PRKAG2: variants seen among roughly 807,000 people sequenced by gnomAD.
PRKAG2 encodes 5'-AMP-activated protein kinase subunit gamma-2.
In PRKAG2, 26 loss-of-function variants were observed where a neutral mutation model predicts 69.6. That is an observed-to-expected ratio of 0.37 (90% CI 0.27 to 0.52). The LOEUF is 0.52. PRKAG2 is among the 20% of genes least tolerant of loss of function. The pLI is 0.90. For missense variants in PRKAG2, 557 were observed against 740.0 expected, an observed-to-expected ratio of 0.75 and a Z score of 2.87; for synonymous variants, 293 against 285.0, an observed-to-expected ratio of 1.03 and a Z score of -0.28.
intron 1 of PRKAG2, among the ~76,000 whole-genome samples, chr7:151,873,713 C>T (rs1024206702): frequency 1.9e-4 from 29 of 152,144 alleles, no homozygotes; most frequent in Admixed American, 1.6e-3. Flanking sequence ...AAGGGTGGTC[C>T]GAGGACCCCA....
At chr7:151,649,799 C>T (rs922052535) in intron 4 of PRKAG2, among the ~76,000 whole-genome samples, 11 of 152,198 alleles carry the variant, frequency 7.2e-5, no homozygotes, top group Non-Finnish European at 1.3e-4. Context: ...AGAAGCCGAG[C>T]GGATACCAGC....
intron 4 of PRKAG2, among the ~76,000 whole-genome samples, chr7:151,640,744 T>C (rs1826535258): frequency 6.6e-6 from 1 of 152,150 alleles, no homozygotes; most frequent in South Asian, 2.1e-4. Flanking sequence ...ACCCACATGC[T>C]TCCATATGGC....
At chr7:151,560,068 A>G in intron 15 of PRKAG2, 3 of 984,948 alleles carry the variant, frequency 3.0e-6, no homozygotes, top group Non-Finnish European at 3.6e-6. Flanking sequence ...TTTCTGTACA[A>G]TATTAATGAA....
chr7:151,737,730 C>CACTGG (rs2073547511), intron 3 of PRKAG2, among the ~76,000 whole-genome samples: 1 of 152,184 alleles, frequency 6.6e-6, no homozygotes, highest in African/African-American at 2.4e-5. Flanking sequence ...TTACAGAGCT[C>CACTGG]AGTGCCACTG....
chr7:151,794,070 C>T (rs1200819915), intron 1 of PRKAG2, among the ~76,000 whole-genome samples: 1 of 152,166 alleles, frequency 6.6e-6, no homozygotes, highest in Non-Finnish European at 1.5e-5. Context: ...TCCTCCCTGG[C>T]TCCCTCACCT....
chr7:151,624,624 G>A (rs566431284), intron 5 of PRKAG2, among the ~76,000 whole-genome samples: 2 of 152,114 alleles, frequency 1.3e-5, no homozygotes, highest in Non-Finnish European at 2.9e-5. Flanking sequence ...GTGTCAAGGC[G>A]ATTTCCTCGG....
At chr7:151,639,919 T>C (rs1290749477) in intron 4 of PRKAG2, among the ~76,000 whole-genome samples, 1 of 152,196 alleles carries the variant, frequency 6.6e-6, no homozygotes, top group Non-Finnish European at 1.5e-5. Context: ...CAATCATCTA[T>C]TATCTATCTA....
In PRKAG2 at chr7:151,632,420, G is replaced by A; in HGVS notation, c.685-282C>T. ...CCGCGCCTTGGTACGGCCCGCCCGG[G>A]AGGAAGCGTGGGAAGGGACCCGGGA... is the stretch of plus-strand genomic sequence containing the variant. On this transcript the variant is annotated intron_variant, in intron 4 of 15. Transcript: ENST00000287878. This position sits in a 1 kb window ranked among gnomAD's most constrained non-coding sequence, Gnocchi z 4.2. The A allele has an allele frequency of 1.9e-6, 1 of 530,524 alleles. No homozygotes were observed. The highest frequency in any genetic ancestry group is 2.4e-6 in the Non-Finnish European group (1 of 415,432). 32.9% of individuals were successfully genotyped at this position (530,524 alleles called of 1,614,324 possible).
intron 4 of PRKAG2, among the ~76,000 whole-genome samples, chr7:151,648,157 A>G (rs1487958605): frequency 6.6e-6 from 1 of 152,052 alleles, no homozygotes; most frequent in Non-Finnish European, 1.5e-5. Flanking sequence ...AGGAAGAATG[A>G]CAGAGATTTT....
chr7:151,718,999 T>C (rs1796614265), intron 3 of PRKAG2, among the ~76,000 whole-genome samples: 1 of 152,158 alleles, frequency 6.6e-6, no homozygotes, highest in Non-Finnish European at 1.5e-5. Flanking sequence ...ATGATTCCTG[T>C]TCTCTCTGTG....
intron 1 of PRKAG2, among the ~76,000 whole-genome samples, chr7:151,839,535 C>T (rs982795776): frequency 2.6e-5 from 4 of 152,238 alleles, no homozygotes; most frequent in Non-Finnish European, 5.9e-5. Flanking sequence ...CCAATGCTTT[C>T]GCCACACCTT....
intron 1 of PRKAG2, among the ~76,000 whole-genome samples, chr7:151,808,117 TCA>T (rs553494663): frequency 4.2e-4 from 64 of 152,216 alleles, no homozygotes; most frequent in African/African-American, 1.5e-3. Context: ...GTGTCCTCAC[TCA>T]CTGCACTCCA....
chr7:151,573,382 T>C (rs1808169747), intron 8 of PRKAG2, among the ~76,000 whole-genome samples: 2 of 133,202 alleles, frequency 1.5e-5, no homozygotes, highest in Admixed American at 8.5e-5. Context: ...GGTTTCACCA[T>C]GTTGCCCCAC....
chr7:151,776,782 G>C (rs2076376293), intron 3 of PRKAG2, among the ~76,000 whole-genome samples: 1 of 152,234 alleles, frequency 6.6e-6, no homozygotes, highest in African/African-American at 2.4e-5. Flanking sequence ...TCTGGAATGA[G>C]AGGTAGCTGA....
intron 4 of PRKAG2, among the ~76,000 whole-genome samples, chr7:151,670,767 T>C (rs1403930826): frequency 6.6e-6 from 1 of 152,234 alleles, no homozygotes; most frequent in Non-Finnish European, 1.5e-5. Flanking sequence ...AAACAAACAT[T>C]GGCCTTTTCC....
At chr7:151,799,142 G>A (rs2077698018) in intron 1 of PRKAG2, among the ~76,000 whole-genome samples, 1 of 152,210 alleles carries the variant, frequency 6.6e-6, no homozygotes, top group African/African-American at 2.4e-5. Flanking sequence ...GTCACAGGGT[G>A]TTAGGATGGA....
Position 151,685,620 on chromosome 7 carries a change from T to G in PRKAG2, c.467-9983A>C, listed in dbSNP as rs148057460. On this transcript the variant is annotated intron_variant, in intron 3 of 15. Transcript: ENST00000287878. ...CCCCATTTCTACAAAAAATAAAAAA[T>G]TAGCTGGGCATGGTGGCCTGTGCCC... is the stretch of plus-strand genomic sequence containing the variant. Among the ~76,000 whole-genome samples the G allele has an allele frequency of 5.1e-4, 78 of 152,044 alleles. No individual in the cohort carries two copies. In the East Asian group the frequency reaches 9.1e-3, roughly 18 times the overall value.
intron 3 of PRKAG2, among the ~76,000 whole-genome samples, chr7:151,704,791 G>A (rs1433000816): frequency 3.3e-5 from 5 of 152,332 alleles, no homozygotes; most frequent in East Asian, 1.9e-4. Context: ...CTCCCGGGGC[G>A]CCACGGCTTG....
chr7:151,827,969 C>T (rs768724867), intron 1 of PRKAG2, among the ~76,000 whole-genome samples: 18 of 152,170 alleles, frequency 1.2e-4, no homozygotes, highest in Non-Finnish European at 2.1e-4. Flanking sequence ...CGCTTCCTCT[C>T]CCTTCCCATC....
Sources: allele counts gnomAD v4.1 joint callset (sites outside exome capture counted in the v4.1 genomes callset), GRCh38; gene constraint gnomAD v4.1.1; non-coding constraint Gnocchi (gnomAD v3.1); transcripts MANE v1.5; gene names NCBI Gene and HGNC (gene_info 2026-07-23, HGNC 2026-07-21).